The following AUTS2 variants were observed in gnomAD, a reference collection of about 807,000 sequenced individuals.
AUTS2 encodes autism susceptibility gene 2 protein.
AUTS2 carries 17 observed loss-of-function variants against 112.4 expected under a neutral mutation model. The ratio of observed to expected loss-of-function variants is 0.15; its 90% CI spans 0.10 to 0.23. The LOEUF (loss-of-function observed/expected upper bound fraction) is 0.23. AUTS2 is among the 10% of genes least tolerant of loss of function. AUTS2 has a pLI of 1.00. For synonymous variants in AUTS2, 751 were observed against 702.7 expected, an observed-to-expected ratio of 1.07 and a Z score of -1.09; for missense variants, 1,510 against 1,701.6, an observed-to-expected ratio of 0.89 and a Z score of 1.98.
At chr7:70,695,761 TA>T in intron 5 of AUTS2, among the ~76,000 whole-genome samples, 1 of 152,370 alleles carries the variant, frequency 6.6e-6, no homozygotes, top group African/African-American at 2.4e-5. Context: ...CTTCTAGCAA[TA>T]TTTTTTTTAC....
At chr7:70,522,565 C>A (rs1015930812) in intron 5 of AUTS2, among the ~76,000 whole-genome samples, 14 of 152,186 alleles carry the variant, frequency 9.2e-5, no homozygotes, top group African/African-American at 2.9e-4. Context: ...ATTTGTTTTT[C>A]TGTTCCTGTA....
intron 2 of AUTS2, among the ~76,000 whole-genome samples, chr7:70,111,679 G>A (rs986174632): frequency 6.6e-6 from 1 of 152,062 alleles, no homozygotes; most frequent in African/African-American, 2.4e-5. Flanking sequence ...AGGTCATCCT[G>A]TAGTTTCATT....
At chr7:70,015,363 A>G (rs1230879851) in intron 2 of AUTS2, among the ~76,000 whole-genome samples, 3 of 152,198 alleles carry the variant, frequency 2.0e-5, no homozygotes, top group Admixed American at 6.5e-5. Context: ...CATTAGCACC[A>G]TTTTTACAGA....
chr7:70,774,539 A>C (rs1790565523), intron 12 of AUTS2, among the ~76,000 whole-genome samples: 1 of 151,982 alleles, frequency 6.6e-6, no homozygotes, highest in Non-Finnish European at 1.5e-5. Flanking sequence ...AAGTTATTGT[A>C]CTGCACGGCT....
At chr7:70,166,711 A>G (rs898896386) in intron 4 of AUTS2, among the ~76,000 whole-genome samples, 1 of 152,194 alleles carries the variant, frequency 6.6e-6, no homozygotes, top group African/African-American at 2.4e-5. Flanking sequence ...AAAAAAGGGA[A>G]CAAAAGAACA....
intron 4 of AUTS2, among the ~76,000 whole-genome samples, chr7:70,137,514 T>C (rs1806633872): frequency 6.6e-6 from 1 of 151,908 alleles, no homozygotes; most frequent in South Asian, 2.1e-4. Flanking sequence ...TTCTTTTCAA[T>C]TTAAACGTTT....
intron 1 of AUTS2, among the ~76,000 whole-genome samples, chr7:69,624,392 C>T (rs1009559928): frequency 6.6e-6 from 1 of 152,164 alleles, no homozygotes; most frequent in African/African-American, 2.4e-5. Context: ...AATAATCTCT[C>T]CTCCATTCCA....
At chr7:70,428,991 C>T (rs1464142480) in intron 4 of AUTS2, among the ~76,000 whole-genome samples, 1 of 152,190 alleles carries the variant, frequency 6.6e-6, no homozygotes, top group African/African-American at 2.4e-5. Context: ...GTCATAATCA[C>T]ATCTTTTTTC....
intron 1 of AUTS2, among the ~76,000 whole-genome samples, chr7:69,659,342 C>T (rs1315118811): frequency 6.6e-6 from 1 of 151,878 alleles, no homozygotes; most frequent in Non-Finnish European, 1.5e-5. Context: ...TAAATTTTGT[C>T]CGTATATTCA....
chr7:70,262,035 G>A (rs1787193236), intron 4 of AUTS2, among the ~76,000 whole-genome samples: 2 of 152,116 alleles, frequency 1.3e-5, no homozygotes, highest in Admixed American at 1.3e-4. Flanking sequence ...ATTTTAAGAT[G>A]TAGTAATTTG....
rs1319158862 is a variant in AUTS2, at chr7:70,271,301, C to G, written c.660+136730C>G. On this transcript the variant is annotated intron_variant, in intron 4 of 18. Coordinates refer to ENST00000342771, the MANE Select transcript of AUTS2 (RefSeq NM_015570.4). ...TGCTTTTCTTCAATTGCCATTGTAT[C>G]TTTTTGCCCCTTCCAAAGTCTTACC... Among the ~76,000 whole-genome samples, 6 of 152,166 alleles carry G rather than the reference C, an allele frequency of 3.9e-5. No homozygotes were observed. In the East Asian group the frequency reaches 9.6e-4, roughly 24 times the overall value.
chr7:69,836,474 G>T (rs1791730010), intron 1 of AUTS2, among the ~76,000 whole-genome samples: 1 of 152,144 alleles, frequency 6.6e-6, no homozygotes, highest in Admixed American at 6.5e-5. Flanking sequence ...ATTTAAAGTG[G>T]ATTTAGGGAC....
intron 4 of AUTS2, among the ~76,000 whole-genome samples, chr7:70,156,891 TAAAAAAAAAAAAAAAAAAAAAA>T (rs781281055): frequency 5.3e-5 from 2 of 37,852 alleles, no homozygotes; most frequent in Non-Finnish European, 9.1e-5. Flanking sequence ...CTACTAAAAG[TAAAAAAAAAAAAAAAAAAAAAA>T]AAAAAAAAAA....
intron 1 of AUTS2, among the ~76,000 whole-genome samples, chr7:69,801,543 T>G (rs1251080911): frequency 6.6e-6 from 1 of 151,226 alleles, no homozygotes; most frequent in Non-Finnish European, 1.5e-5. Context: ...ATATGTGGTG[T>G]ATATATACAT....
chr7:69,939,247 A>G (rs1796532659), intron 2 of AUTS2, among the ~76,000 whole-genome samples: 1 of 152,030 alleles, frequency 6.6e-6, no homozygotes, highest in African/African-American at 2.4e-5. Flanking sequence ...AAATTCAATC[A>G]TTTTTTTCTC....
chr7:69,888,569 A>ATATG (rs1554399204), intron 1 of AUTS2, among the ~76,000 whole-genome samples: 4 of 141,546 alleles, frequency 2.8e-5, no homozygotes, highest in Admixed American at 1.4e-4. Flanking sequence ...ATATATATAT[A>ATATG]TATGTATGGT....
At chr7:70,454,674 C>A (rs2131110699) in intron 5 of AUTS2, among the ~76,000 whole-genome samples, 1 of 152,344 alleles carries the variant, frequency 6.6e-6, no homozygotes, top group African/African-American at 2.4e-5. Context: ...TTTCCCTGCT[C>A]AGTCACACTG....
chr7:69,724,915 TG>T (rs1786434638), intron 1 of AUTS2, among the ~76,000 whole-genome samples: 1 of 152,226 alleles, frequency 6.6e-6, no homozygotes, highest in Non-Finnish European at 1.5e-5. Context: ...TAGCAGTTGC[TG>T]TAGACCTTTA....
At chr7:69,694,640 A>G (rs1584086422) in intron 1 of AUTS2, among the ~76,000 whole-genome samples, 1 of 152,312 alleles carries the variant, frequency 6.6e-6, no homozygotes, top group Non-Finnish European at 1.5e-5. Context: ...TAGATCACAA[A>G]TTAAACTCTG....
Sources: allele counts gnomAD v4.1 joint callset (sites outside exome capture counted in the v4.1 genomes callset), GRCh38; gene constraint gnomAD v4.1.1; transcripts MANE v1.5; gene names NCBI Gene and HGNC (gene_info 2026-07-23, HGNC 2026-07-21).